CDK17: variants seen among roughly 807,000 people sequenced by gnomAD.
The protein encoded by CDK17 is cyclin dependent kinase 17, also known as cyclin-dependent kinase 17.
A neutral mutation model predicts 77.6 loss-of-function variants in CDK17; 24 were observed. That is an observed-to-expected ratio of 0.31 (90% confidence interval 0.22 to 0.44). CDK17 has a LOEUF of 0.44. CDK17 is among the 20% of genes least tolerant of loss of function. CDK17 has a pLI of 1.00. For synonymous variants in CDK17, 203 were observed against 210.4 expected (o/e 0.96, Z 0.30); for missense variants, 429 against 622.5 (o/e 0.69, Z 3.31).
rs1401421614 is a variant in CDK17 at position 96,372,661 on chromosome 12, C to CT, written c.-30+27324dup. On this transcript the variant is annotated intron_variant, in intron 1 of 16. Coordinates refer to ENST00000261211, the MANE Select transcript of CDK17 (RefSeq NM_002595.5). ...ACTGAAAAAAAATACTCCACAGCCA[C>CT]TTTTTTTCAGAGGTTTTCATTTTTA... 3.9e-5 allele frequency among the ~76,000 whole-genome samples: 6 copies of CT among 152,124 alleles called. No homozygotes were observed. The East Asian group carries it at 5.8e-4, about 15-fold the overall frequency.
At chr12:96,342,138 AAC>A (rs1317687214) in intron 1 of CDK17, among the ~76,000 whole-genome samples, 5 of 152,236 alleles carry the variant, frequency 3.3e-5, no homozygotes, top group Admixed American at 3.3e-4. Context: ...TGAAATATCA[AAC>A]AGAGATAAAG....
intron 1 of CDK17, among the ~76,000 whole-genome samples, chr12:96,348,594 C>G (rs1953265575): frequency 7.3e-6 from 1 of 136,796 alleles, no homozygotes; most frequent in South Asian, 2.4e-4. Flanking sequence ...GACTGACTAA[C>G]AAGAAGAGAT....
At chr12:96,315,353 C>G (rs2137111147) in intron 3 of CDK17, among the ~76,000 whole-genome samples, 1 of 152,266 alleles carries the variant, frequency 6.6e-6, no homozygotes, top group Non-Finnish European at 1.5e-5. Context: ...TATTCATAAG[C>G]AGTTGCAAAT....
intron 2 of CDK17, among the ~76,000 whole-genome samples, chr12:96,325,001 T>TA (rs1184269064): frequency 1.3e-5 from 2 of 151,976 alleles, no homozygotes; most frequent in South Asian, 2.1e-4. Context: ...GCAGAAACAT[T>TA]AAAAAAATAT....
At chr12:96,371,338 G>A (rs1328162806) in intron 1 of CDK17, among the ~76,000 whole-genome samples, 11 of 152,100 alleles carry the variant, frequency 7.2e-5, no homozygotes, top group South Asian at 4.1e-4. Flanking sequence ...ACCCACTGAC[G>A]TAAAGATATC....
At chr12:96,307,891 AC>A (rs199523502) in intron 5 of CDK17, among the ~76,000 whole-genome samples, 2 of 152,112 alleles carry the variant, frequency 1.3e-5, no homozygotes, top group Non-Finnish European at 2.9e-5. Context: ...ACACACACAC[AC>A]AAAAAATGTC....
chr12:96,383,385 A>G (rs1167636967), intron 1 of CDK17, among the ~76,000 whole-genome samples: 1 of 141,464 alleles, frequency 7.1e-6, no homozygotes, highest in African/African-American at 2.7e-5. Flanking sequence ...TATCAATGTA[A>G]TTCTTCACAA....
At chr12:96,376,116 T>C (rs374506803) in intron 1 of CDK17, among the ~76,000 whole-genome samples, 7 of 152,212 alleles carry the variant, frequency 4.6e-5, no homozygotes, top group African/African-American at 1.7e-4. Flanking sequence ...CAACATGACT[T>C]TGCTATTCCA....
chr12:96,391,098 G>C (rs950208621), intron 1 of CDK17, among the ~76,000 whole-genome samples: 6 of 142,482 alleles, frequency 4.2e-5, no homozygotes, highest in African/African-American at 1.6e-4. Context: ...AAAAAAAAAA[G>C]AAAAACAAAG....
At chr12:96,306,575 A>C (rs1053973209) in intron 5 of CDK17, among the ~76,000 whole-genome samples, 1 of 152,112 alleles carries the variant, frequency 6.6e-6, no homozygotes, top group South Asian at 2.1e-4. Context: ...CATGTGAAGA[A>C]TATTTTTCTT....
intron 3 of CDK17, among the ~76,000 whole-genome samples, chr12:96,316,355 G>T (rs917074242): frequency 2.0e-5 from 3 of 151,358 alleles, no homozygotes; most frequent in African/African-American, 4.9e-5. Flanking sequence ...AGATCAAACC[G>T]CAAGGCGGCA....
At chr12:96,295,270 C>G in intron 9 of CDK17, 148 bp from the exon 10 acceptor site, 1 of 514,088 alleles carries the variant, frequency 1.9e-6, no homozygotes, top group African/African-American at 1.9e-5. Context: ...ATGTCTTTTT[C>G]CTTTTATATA....
chr12:96,338,480 A>C (rs1326518670), intron 1 of CDK17, among the ~76,000 whole-genome samples: 1 of 152,152 alleles, frequency 6.6e-6, no homozygotes, highest in East Asian at 1.9e-4. Context: ...CCCCAGCAAA[A>C]AGTCCTAAGA....
intron 1 of CDK17, among the ~76,000 whole-genome samples, chr12:96,397,709 AC>A (rs1226575235): frequency 1.3e-5 from 2 of 152,186 alleles, no homozygotes; most frequent in East Asian, 3.8e-4. Flanking sequence ...CCATCTAGTA[AC>A]ACTGAAGGTT....
intron 2 of CDK17, among the ~76,000 whole-genome samples, chr12:96,329,028 G>A (rs1234093456): frequency 6.6e-6 from 1 of 152,096 alleles, no homozygotes; most frequent in Non-Finnish European, 1.5e-5. Context: ...ATATGCTAAG[G>A]GAAATAAGTC....
intron 1 of CDK17, among the ~76,000 whole-genome samples, chr12:96,364,346 T>C (rs532876000): frequency 6.6e-6 from 1 of 152,330 alleles, no homozygotes; most frequent in African/African-American, 2.4e-5. Flanking sequence ...TTTTCCAAAA[T>C]GGCCACACCA....
intron 2 of CDK17, among the ~76,000 whole-genome samples, chr12:96,330,904 T>G (rs1230236749): frequency 6.6e-6 from 1 of 152,216 alleles, no homozygotes; most frequent in Admixed American, 6.5e-5. Context: ...AGTCTATGTT[T>G]AACTTTTTGA....
intron 3 of CDK17, among the ~76,000 whole-genome samples, chr12:96,318,772 C>T (rs1592725180): frequency 7.1e-6 from 1 of 141,544 alleles, no homozygotes; most frequent in East Asian, 2.1e-4. Flanking sequence ...ACACAACATA[C>T]CAGAATCTCT....
At chr12:96,352,015 G>A (rs1163804617) in intron 1 of CDK17, among the ~76,000 whole-genome samples, 2 of 152,134 alleles carry the variant, frequency 1.3e-5, no homozygotes, top group African/African-American at 4.8e-5. Flanking sequence ...AGAGGAACAA[G>A]CCCTTTCTGG....
Sources: allele counts gnomAD v4.1 joint callset (sites outside exome capture counted in the v4.1 genomes callset), GRCh38; gene constraint gnomAD v4.1.1; transcripts MANE v1.5; gene names NCBI Gene and HGNC (gene_info 2026-07-23, HGNC 2026-07-21).